Variants in DIS3L2 observed in about 807,000 individuals in gnomAD.
The protein encoded by DIS3L2 is DIS3-like exonuclease 2.
DIS3L2 carries 34 observed loss-of-function variants against 97.5 expected under a neutral mutation model. The observed-to-expected ratio is 0.35, with a 90% CI of 0.27 to 0.46. The LOEUF is 0.46. DIS3L2 is among the 20% of genes least tolerant of loss of function. The probability of loss-of-function intolerance (pLI) is 1.00; values close to 1 mark genes in which losing one functional copy is unlikely to be tolerated. For synonymous variants in DIS3L2, 435 were observed against 445.2 expected (o/e 0.98, Z 0.29); for missense variants, 1,038 against 1,146.0 (o/e 0.91, Z 1.36).
intron 13 of DIS3L2, among the ~76,000 whole-genome samples, chr2:232,298,388 GC>G: frequency 1.3e-5 from 2 of 152,312 alleles, no homozygotes; most frequent in South Asian, 4.1e-4. Flanking sequence ...GACCTCAGCT[GC>G]AAAGAGAGAG....
At position 232,263,526 on chromosome 2, in the gene DIS3L2, C is replaced by T. The variant is rs77283182; in HGVS notation, c.1659+86C>T. 3,320 of 1,294,934 alleles carry T rather than the reference C, an allele frequency of 2.6e-3. 60 individuals carry two copies. The African/African-American group carries it at 0.04, about 16-fold the overall frequency. 80.2% of individuals were successfully genotyped at this position (1,294,934 alleles called of 1,614,324 possible). On this transcript the variant is annotated intron_variant, in intron 13 of 20. Coordinates refer to ENST00000325385, the MANE Select transcript of DIS3L2 (RefSeq NM_152383.5). ...ATGAGCGCAGCTTGGCAGGCTTAGA[C>T]TCTTCCTTCCTTCTCTTTGCTCCAG...
chr2:232,336,031 C>G lies in DIS3L2; in HGVS notation c.2496+157C>G, dbSNP rs1363297479. On this transcript the variant is annotated intron_variant, in intron 20 of 20. Coordinates refer to ENST00000325385, the MANE Select transcript of DIS3L2 (RefSeq NM_152383.5). ...GGCCCTCCCAGCTCACCCAGACCCC[C>G]TCCTGTGGGTCCTGCTTTCTGGCAC... 5 of 1,523,948 alleles carry G rather than the reference C, an allele frequency of 3.3e-6. No homozygotes were observed. In the African/African-American group the frequency reaches 5.5e-5, roughly 17 times the overall value. 94.4% of individuals were successfully genotyped at this position (1,523,948 alleles called of 1,614,324 possible).
intron 10 of DIS3L2, among the ~76,000 whole-genome samples, chr2:232,216,845 C>T (rs907349927): frequency 6.7e-6 from 1 of 150,168 alleles, no homozygotes; most frequent in Non-Finnish European, 1.5e-5. Flanking sequence ...CCTCCCCTCC[C>T]CTCCCCTCCC....
intron 11 of DIS3L2, among the ~76,000 whole-genome samples, chr2:232,239,483 C>T (rs1038064212): frequency 6.6e-6 from 1 of 152,212 alleles, no homozygotes; most frequent in Non-Finnish European, 1.5e-5. Flanking sequence ...CTCTGATCCT[C>T]TGCTCATTTG....
At chr2:232,333,774 GCCAGCC>G in intron 16 of DIS3L2, 60 bp from the exon 17 acceptor site, 2 of 1,437,250 alleles carry the variant, frequency 1.4e-6, no homozygotes, top group South Asian at 1.6e-5. Context: ...TGTGGGTGGT[GCCAGCC>G]TTCCAGGCCT....
At chr2:232,299,016 C>T (rs1694792363) in intron 13 of DIS3L2, among the ~76,000 whole-genome samples, 1 of 152,232 alleles carries the variant, frequency 6.6e-6, no homozygotes, top group Non-Finnish European at 1.5e-5. Context: ...GACTCCCTAT[C>T]AGTCCCCAAA....
At chr2:232,011,206 T>A (rs1334268682) in intron 1 of DIS3L2, among the ~76,000 whole-genome samples, 1 of 152,152 alleles carries the variant, frequency 6.6e-6, no homozygotes. Context: ...AGTGTATCAG[T>A]GGCCCTCATT....
intron 9 of DIS3L2, among the ~76,000 whole-genome samples, chr2:232,177,299 A>G (rs1406997391): frequency 4.1e-5 from 6 of 147,622 alleles, no homozygotes; most frequent in African/African-American, 1.2e-4. Flanking sequence ...AGCATGATTT[A>G]TAGTCATTTG....
At chr2:232,056,286 G>A (rs1277812381) in intron 5 of DIS3L2, among the ~76,000 whole-genome samples, 14 of 151,972 alleles carry the variant, frequency 9.2e-5, no homozygotes, top group East Asian at 5.8e-4. Flanking sequence ...CAGGACAATC[G>A]CTTGAACTTG....
At chr2:231,970,053 C>G (rs988075911) in intron 1 of DIS3L2, among the ~76,000 whole-genome samples, 3 of 152,010 alleles carry the variant, frequency 2.0e-5, no homozygotes, top group African/African-American at 4.8e-5. Flanking sequence ...TCAAGCAGTC[C>G]TCCTACCTTA....
chr2:232,105,134 C>G (rs909955682), intron 6 of DIS3L2, among the ~76,000 whole-genome samples: 1 of 152,244 alleles, frequency 6.6e-6, no homozygotes, highest in East Asian at 1.9e-4. Flanking sequence ...TTTGTTTATC[C>G]ATCCATGTTG....
intron 5 of DIS3L2, among the ~76,000 whole-genome samples, chr2:232,040,423 C>T (rs562998387): frequency 2.6e-5 from 4 of 152,064 alleles, no homozygotes; most frequent in South Asian, 2.1e-4. Flanking sequence ...AGAGACTCTT[C>T]GAACATTGCT....
Position 232,059,771 on chromosome 2 carries a change from G to T in DIS3L2, c.367-27716G>T, listed in dbSNP as rs113127360. ...TTCCTGAGCTAATTTACTTAGGATAGTGGCCTCCAACTTCATTCATGGTGC... is the reference window on the plus strand; with the variant it reads ...TTCCTGAGCTAATTTACTTAGGATATTGGCCTCCAACTTCATTCATGGTGC... On this transcript the variant is annotated intron_variant, in intron 5 of 20. Coordinates refer to ENST00000325385, the MANE Select transcript of DIS3L2 (RefSeq NM_152383.5). Among the ~76,000 whole-genome samples, 18 of 152,240 alleles carry T rather than the reference G, an allele frequency of 1.2e-4. 2 individuals are homozygous for T. Among genetic ancestry groups the T allele is most frequent in the African/African-American group, 4.3e-4 (18 of 41,546 alleles).
At chr2:231,968,522 TGTTAAGTG>T (rs1321179041) in intron 1 of DIS3L2, among the ~76,000 whole-genome samples, 1 of 152,260 alleles carries the variant, frequency 6.6e-6, no homozygotes, top group African/African-American at 2.4e-5. Flanking sequence ...TCATCCCTGT[TGTTAAGTG>T]TATTAGTAGC....
At chr2:232,262,291 C>A (rs960839668) in intron 12 of DIS3L2, among the ~76,000 whole-genome samples, 7 of 152,216 alleles carry the variant, frequency 4.6e-5, no homozygotes. Flanking sequence ...TCTCCCTGAA[C>A]CTCAGACCTA....
chr2:232,109,685 C>A (rs916972169), intron 6 of DIS3L2, among the ~76,000 whole-genome samples: 2 of 151,854 alleles, frequency 1.3e-5, no homozygotes, highest in Admixed American at 1.3e-4. Context: ...GAAATTGGGC[C>A]CCTTCCTTAC....
chr2:232,238,441 C>T (rs1281252094), intron 10 of DIS3L2, 92 bp from the exon 11 acceptor site: 2 of 1,057,028 alleles, frequency 1.9e-6, no homozygotes, highest in Admixed American at 2.1e-5. Context: ...CCTGTGGCCT[C>T]TGGGAGTGAC....
intron 5 of DIS3L2, among the ~76,000 whole-genome samples, chr2:232,080,641 C>T (rs1276172948): frequency 6.6e-6 from 1 of 151,754 alleles, no homozygotes; most frequent in Non-Finnish European, 1.5e-5. Flanking sequence ...TGGCTCAAAC[C>T]TGTAATTTCA....
intron 9 of DIS3L2, among the ~76,000 whole-genome samples, chr2:232,196,255 T>G (rs191679134): frequency 6.6e-6 from 1 of 152,298 alleles, no homozygotes; most frequent in Non-Finnish European, 1.5e-5. Context: ...CGTGAACCAA[T>G]GTGCCTGGCC....
Sources: allele counts gnomAD v4.1 joint callset (sites outside exome capture counted in the v4.1 genomes callset), GRCh38; gene constraint gnomAD v4.1.1; transcripts MANE v1.5; gene names NCBI Gene and HGNC (gene_info 2026-07-23, HGNC 2026-07-21).